MOSPD2: variants seen among roughly 807,000 people sequenced by gnomAD.
MOSPD2 encodes motile sperm domain-containing protein 2.
Under a neutral mutation model 41.7 loss-of-function variants are expected in MOSPD2, and 5 were observed. That is an observed-to-expected ratio of 0.12 (90% CI 0.06 to 0.25). The LOEUF is 0.25. Ranked by LOEUF, MOSPD2 falls within the 10% of genes least tolerant of loss-of-function variation. The pLI, the probability that MOSPD2 is intolerant of heterozygous loss-of-function variation, is 1.00. For synonymous variants in MOSPD2, 115 were observed against 126.9 expected, an observed-to-expected ratio of 0.91 and a Z score of 0.63; for missense variants, 282 against 375.2, an observed-to-expected ratio of 0.75 and a Z score of 2.05.
At chrX:14,891,387 GTTA>G (rs1184303374) in intron 2 of MOSPD2, among the ~76,000 whole-genome samples, 1 of 110,749 alleles carries the variant, frequency 9.0e-6, no homozygotes, top group Non-Finnish European at 1.9e-5. Context: ...AGAAATTATT[GTTA>G]TTAGAAATAA....
chrX:14,890,962 A>G (rs2092552479), intron 2 of MOSPD2, among the ~76,000 whole-genome samples: 1 of 111,981 alleles, frequency 8.9e-6, no homozygotes, highest in Non-Finnish European at 1.9e-5. Context: ...ACTGAGAAAA[A>G]AATGAGAAGG....
intron 7 of MOSPD2, among the ~76,000 whole-genome samples, chrX:14,906,337 G>A (rs780218170): frequency 8.9e-6 from 1 of 111,742 alleles, no homozygotes; most frequent in East Asian, 2.8e-4. Flanking sequence ...AGACTATTCA[G>A]TAGAGAAATA....
chrX:14,907,513 T>C (rs1321100857), intron 7 of MOSPD2, among the ~76,000 whole-genome samples: 21 of 112,453 alleles, frequency 1.9e-4, no homozygotes, highest in Non-Finnish European at 1.1e-4. Context: ...AAATGGACAA[T>C]TATTCAGTCA....
intron 9 of MOSPD2, among the ~76,000 whole-genome samples, chrX:14,911,784 G>A (rs766506527): frequency 8.9e-6 from 1 of 111,782 alleles, no homozygotes; most frequent in South Asian, 3.7e-4. Context: ...CTACTCTGGA[G>A]GCTGAGTTGG....
In MOSPD2 at chrX:14,912,331, G is replaced by A. The variant is rs982032203; in HGVS notation, c.962G>A (p.Ser321Asn). The part of the protein sequence containing the change: ...SKVKAFKKPL[S>N]VFKGPLLHIS... The stretch of plus-strand genomic sequence containing the variant: ...GTGAAAGCTTTCAAGAAACCATTGA[G>A]TGTATTTAAAGGCCCCTTACTACAC... Residue 321 changes from serine (S) to asparagine (N), a missense_variant, in exon 10 of 15, where the codon AGT (serine) becomes AAT (asparagine). This residue lies in a region of MOSPD2 where 187 missense variants were observed against 256.6 expected (regional missense o/e 0.73). Transcript: ENST00000380492. 4 of 1,173,907 alleles carry A rather than the reference G, an allele frequency of 3.4e-6. No individual in the cohort carries two copies. Among genetic ancestry groups the A allele is most frequent in the Admixed American group, 2.4e-5 (1 of 41,133 alleles).
At chrX:14,899,817 A>T (rs1294674228) in intron 5 of MOSPD2, among the ~76,000 whole-genome samples, 1 of 110,364 alleles carries the variant, frequency 9.1e-6, no homozygotes, top group African/African-American at 3.3e-5. Flanking sequence ...TAAGATGGCC[A>T]ATCAGAATTA....
chrX:14,880,855 A>C (rs957447441), intron 2 of MOSPD2, among the ~76,000 whole-genome samples: 1 of 112,241 alleles, frequency 8.9e-6, no homozygotes, highest in Non-Finnish European at 1.9e-5. Flanking sequence ...CTAATAGTTT[A>C]AGAATTTTAC....
rs147627753 is a variant in MOSPD2, at chrX:14,892,768, A to G, written c.125A>G (p.Gln42Arg). 1.7e-6 allele frequency: 2 copies of G among 1,202,381 alleles called. No homozygotes were observed. Among genetic ancestry groups the G allele is most frequent in the Non-Finnish European group, 2.3e-6 (2 of 888,440 alleles). The change falls in exon 3 of 15, where the codon CAA becomes CGA. Residue 42 changes from glutamine (Q) to arginine (R), a missense_variant. Transcript: ENST00000380492. Reference sequence around the variant, plus strand: ...GCACGTGATGTTGAAAGGCTACAACAAGATGATAACTGGGTTGAAAGTTAC... The same window carrying G: ...GCACGTGATGTTGAAAGGCTACAACGAGATGATAACTGGGTTGAAAGTTAC... The part of the protein sequence containing the change: ...YDARDVERLQ[Q>R]DDNWVESYLS...
intron 5 of MOSPD2, among the ~76,000 whole-genome samples, chrX:14,899,955 G>C (rs1163138764): frequency 9.0e-6 from 1 of 111,241 alleles, no homozygotes; most frequent in East Asian, 2.8e-4. Context: ...CCAGAAATCA[G>C]AATCAGTGAA....
chrX:14,874,152 T>G, intron 2 of MOSPD2: 1 of 169,980 alleles, frequency 5.9e-6, no homozygotes, highest in Non-Finnish European at 1.1e-5. Flanking sequence ...TATTGATGTG[T>G]ACTTAATTGG....
intron 8 of MOSPD2, among the ~76,000 whole-genome samples, 187 bp from the exon 9 acceptor site, chrX:14,911,050 G>T (rs777623942): frequency 1.3e-4 from 14 of 111,377 alleles, no homozygotes; most frequent in Non-Finnish European, 2.5e-4. Flanking sequence ...CTGTATAGAT[G>T]GCTAGCCAAT....
At position 14,878,808 on chromosome X, in the gene MOSPD2, T is replaced by C. The variant is rs141915730; in HGVS notation, c.79+5050T>C. 8.2e-3 allele frequency among the ~76,000 whole-genome samples: 917 copies of C among 112,065 alleles called. 17 individuals are homozygous for C. The highest frequency in any genetic ancestry group is 0.028 in the African/African-American group (879 of 30,848). On this transcript the variant is annotated intron_variant, in intron 2 of 14. Transcript: ENST00000380492. ...TGGTGTGCCAACAGTTTACTATTTT[T>C]TAATTTTGAGTTTTGGAATTCTGTT...
In MOSPD2 at chrX:14,900,902, C is replaced by G. The variant is rs1338585621; in HGVS notation, c.538+267C>G. On this transcript the variant is annotated intron_variant, in intron 6 of 14. Coordinates refer to ENST00000380492, the MANE Select transcript of MOSPD2 (RefSeq NM_152581.4). ...TATAACACACACACCCACTCACACA[C>G]ATAGGTACATAAAAGCATACATTTA... Among the ~76,000 whole-genome samples the G allele has an allele frequency of 8.1e-5, 9 of 111,683 alleles. No individual in the cohort carries two copies. In the Admixed American group the frequency reaches 8.6e-4, roughly 11 times the overall value.
At chrX:14,911,699 G>A (rs1398678145) in intron 9 of MOSPD2, among the ~76,000 whole-genome samples, 1 of 111,541 alleles carries the variant, frequency 9.0e-6, no homozygotes. Flanking sequence ...ACCATCCCGA[G>A]CAACATAGGG....
intron 2 of MOSPD2, chrX:14,874,206 C>A (rs1420238455): frequency 7.3e-6 from 1 of 137,599 alleles, no homozygotes; most frequent in African/African-American, 3.1e-5. Context: ...GGCTTTCATA[C>A]AACCCAGCAT....
chrX:14,884,027 T>C (rs1005922756), intron 2 of MOSPD2, among the ~76,000 whole-genome samples: 4 of 111,913 alleles, frequency 3.6e-5, no homozygotes, highest in Admixed American at 1.9e-4. Flanking sequence ...ATCAGACTGA[T>C]ACTTGATTTC....
At chrX:14,911,004 T>C (rs905174168) in intron 8 of MOSPD2, among the ~76,000 whole-genome samples, 1 of 111,312 alleles carries the variant, frequency 9.0e-6, no homozygotes, top group African/African-American at 3.3e-5. Flanking sequence ...GAAATTCTTT[T>C]TGGTGTAGAG....
chrX:14,883,439 A>AT (rs1319521247), intron 2 of MOSPD2, among the ~76,000 whole-genome samples: 1 of 111,777 alleles, frequency 8.9e-6, no homozygotes, highest in Non-Finnish European at 1.9e-5. Flanking sequence ...TTCCTAAAGG[A>AT]TTTTTTCTTC....
chrX:14,906,041 C>A (rs1157795736), intron 7 of MOSPD2, among the ~76,000 whole-genome samples: 1 of 111,150 alleles, frequency 9.0e-6, no homozygotes, highest in Non-Finnish European at 1.9e-5. Context: ...CAGTGCAGTC[C>A]CTATCAAAAG....
Sources: gnomAD v4.1 joint callset for allele counts (sites outside exome capture counted in the v4.1 genomes callset) on GRCh38, gnomAD v4.1.1 for gene constraint, gnomAD v4.1.1 regional missense constraint, MANE v1.5 for transcripts, NCBI Gene and HGNC (gene_info 2026-07-23, HGNC 2026-07-21) for gene names.